SOCS2: variants seen among roughly 807,000 people sequenced by gnomAD.
The protein encoded by SOCS2 is CIS-2.
SOCS2 carries 10 observed loss-of-function variants against 18.6 expected under a neutral mutation model. That is an observed-to-expected ratio of 0.54 (90% CI 0.33 to 0.91). The LOEUF is 0.91. Among genes scored for constraint, SOCS2 ranks in the 40% least tolerant of loss-of-function variants. SOCS2 has a pLI of 0.02. For synonymous variants in SOCS2, 104 were observed against 104.0 expected (o/e 1.00, Z 0.00); for missense variants, 231 against 247.2 (o/e 0.93, Z 0.44).
chr12:93,595,542 A>T, the SOCS2 span, among the ~76,000 whole-genome samples: 5 of 152,216 alleles, frequency 3.3e-5, no homozygotes, highest in African/African-American at 1.2e-4. Context: ...TCTTCGGCCA[A>T]CTGAAAGTAG....
chr12:93,613,622 A>G, the SOCS2 span, among the ~76,000 whole-genome samples: 1 of 152,236 alleles, frequency 6.6e-6, no homozygotes. Context: ...AGCTTTAAGA[A>G]TTGTGACACT....
At chr12:93,571,611 T>G, upstream of SOCS2, 1 of 207,332 alleles carries the variant, frequency 4.8e-6, no homozygotes. Flanking sequence ...AGTCCGAGAG[T>G]GGAGGTGTCC....
the SOCS2 span, among the ~76,000 whole-genome samples, chr12:93,603,706 T>C: frequency 6.6e-6 from 1 of 152,348 alleles, no homozygotes; most frequent in East Asian, 1.9e-4. Flanking sequence ...ATTTTTCCAG[T>C]GCAGTATTAT....
At chr12:93,601,998 G>A in the SOCS2 span, among the ~76,000 whole-genome samples, 1 of 152,198 alleles carries the variant, frequency 6.6e-6, no homozygotes, top group Non-Finnish European at 1.5e-5. Context: ...TACTGACAGT[G>A]TGTGACTATA....
downstream of SOCS2, among the ~76,000 whole-genome samples, chr12:93,577,880 G>C (rs1457292435): frequency 2.6e-5 from 4 of 152,258 alleles, no homozygotes; most frequent in Non-Finnish European, 5.9e-5. Flanking sequence ...AAGTACACTT[G>C]TCTAAATTAT....
chr12:93,584,633 T>G (rs1954572627), downstream of SOCS2, among the ~76,000 whole-genome samples: 1 of 151,920 alleles, frequency 6.6e-6, no homozygotes, highest in Non-Finnish European at 1.5e-5. Context: ...GGCTATGACC[T>G]CTTAATAATG....
the SOCS2 span, among the ~76,000 whole-genome samples, chr12:93,621,376 T>C: frequency 4.6e-5 from 7 of 152,308 alleles, no homozygotes; most frequent in South Asian, 1.4e-3. Context: ...GCAAGCATAA[T>C]GCATTGATTA....
chr12:93,591,000 A>C, the SOCS2 span, among the ~76,000 whole-genome samples: 1 of 151,910 alleles, frequency 6.6e-6, no homozygotes, highest in Admixed American at 6.6e-5. Flanking sequence ...GGTCTGGATA[A>C]CAAGTTTTTA....
At chr12:93,590,646 T>C in the SOCS2 span, among the ~76,000 whole-genome samples, 3 of 150,960 alleles carry the variant, frequency 2.0e-5, no homozygotes, top group African/African-American at 4.9e-5. Flanking sequence ...ATACAAAAAT[T>C]AGCTGGGCGT....
chr12:93,583,483 A>G (rs1306108094), exon 2 of SOCS2: 2 of 152,200 alleles, frequency 1.3e-5, no homozygotes, highest in African/African-American at 4.8e-5. Flanking sequence ...ATCTTGGTGC[A>G]TGAATGATCC....
chr12:93,620,864 G>A, the SOCS2 span, among the ~76,000 whole-genome samples: 1 of 152,288 alleles, frequency 6.6e-6, no homozygotes, highest in East Asian at 1.9e-4. Context: ...TCTTGTAATG[G>A]AAGAGTCAAA....
downstream of SOCS2, among the ~76,000 whole-genome samples, chr12:93,583,675 G>A (rs1380037465): frequency 6.6e-6 from 1 of 152,126 alleles, no homozygotes; most frequent in East Asian, 1.9e-4. Context: ...AAGCTGCGTT[G>A]GGCAGGCCAT....
chr12:93,594,004 G>C, the SOCS2 span, among the ~76,000 whole-genome samples: 1 of 152,100 alleles, frequency 6.6e-6, no homozygotes, highest in Non-Finnish European at 1.5e-5. Flanking sequence ...CAAGCCAGCA[G>C]GAAGAGAGGG....
chr12:93,597,644 T>C, the SOCS2 span, among the ~76,000 whole-genome samples: 17 of 152,140 alleles, frequency 1.1e-4, no homozygotes, highest in African/African-American at 4.1e-4. Context: ...AAATAATTTT[T>C]TGTATTATGA....
At chr12:93,599,578 C>T in the SOCS2 span, among the ~76,000 whole-genome samples, 1 of 152,226 alleles carries the variant, frequency 6.6e-6, no homozygotes, top group Non-Finnish European at 1.5e-5. Flanking sequence ...TTATGCACTA[C>T]TGTGGTTTGA....
chr12:93,606,146 AGTT>A, the SOCS2 span, among the ~76,000 whole-genome samples: 3 of 151,966 alleles, frequency 2.0e-5, no homozygotes, highest in African/African-American at 7.3e-5. Context: ...TACAACATCT[AGTT>A]GTTGTTTATA....
the SOCS2 span, among the ~76,000 whole-genome samples, chr12:93,591,599 A>C: frequency 6.6e-6 from 1 of 152,130 alleles, no homozygotes. Flanking sequence ...GATGCAGCAG[A>C]AGTTCTTTTT....
chr12:93,590,038 G>T, the SOCS2 span, among the ~76,000 whole-genome samples: 1 of 152,178 alleles, frequency 6.6e-6, no homozygotes, highest in South Asian at 2.1e-4. Flanking sequence ...CGGATCATGA[G>T]GTCAGGAGTT....
chr12:93,608,772 G>A, the SOCS2 span, among the ~76,000 whole-genome samples: 1 of 151,988 alleles, frequency 6.6e-6, no homozygotes, highest in Admixed American at 6.6e-5. Flanking sequence ...CCCATTCCCT[G>A]ATGGGATGCA....
Sources: gnomAD v4.1 joint callset for allele counts (sites outside exome capture counted in the v4.1 genomes callset) on GRCh38, gnomAD v4.1.1 for gene constraint, MANE v1.5 for transcripts, NCBI Gene and HGNC (gene_info 2026-07-23, HGNC 2026-07-21) for gene names.